The following ARHGAP39 variants were observed in gnomAD, a reference collection of about 807,000 sequenced individuals.
The protein encoded by ARHGAP39 is rho GTPase-activating protein 39.
In ARHGAP39, 44 loss-of-function variants were observed where a neutral mutation model predicts 106.9. The ratio of observed to expected loss-of-function variants is 0.41; its 90% CI spans 0.32 to 0.53. ARHGAP39 has a LOEUF of 0.53. ARHGAP39 is among the 20% of genes least tolerant of loss of function. The pLI is 0.21. For missense variants in ARHGAP39, 1,496 were observed against 1,577.3 expected, an observed-to-expected ratio of 0.95 and a Z score of 0.87; for synonymous variants, 768 against 693.2, an observed-to-expected ratio of 1.11 and a Z score of -1.69.
At chr8:144,603,102 T>C (rs1820128346) in intron 2 of ARHGAP39, among the ~76,000 whole-genome samples, 3 of 146,106 alleles carry the variant, frequency 2.1e-5, no homozygotes, top group Admixed American at 2.1e-4. Flanking sequence ...CGAGCTCATG[T>C]ATCTGTGTGC....
intron 10 of ARHGAP39, 35 bp from the exon 11 acceptor site, chr8:144,530,906 C>T (rs762520714): frequency 1.2e-4 from 195 of 1,584,578 alleles, no homozygotes; most frequent in Non-Finnish European, 1.6e-4. Context: ...CGGCCCTGCT[C>T]GGCGGGCACC....
chr8:144,583,366 C>T (rs1204939950), intron 2 of ARHGAP39, among the ~76,000 whole-genome samples: 3 of 152,216 alleles, frequency 2.0e-5, no homozygotes, highest in South Asian at 2.1e-4. Flanking sequence ...TCCCTGAAAC[C>T]GCAACAGGAA....
At chr8:144,561,232 T>C (rs1564848218) in intron 3 of ARHGAP39, among the ~76,000 whole-genome samples, 3 of 151,974 alleles carry the variant, frequency 2.0e-5, no homozygotes, top group Non-Finnish European at 4.4e-5. Context: ...ACTCCAGTGG[T>C]TTCCATCACA....
intron 6 of ARHGAP39, among the ~76,000 whole-genome samples, chr8:144,543,136 A>G (rs1817267353): frequency 6.6e-6 from 1 of 151,736 alleles, no homozygotes; most frequent in Non-Finnish European, 1.5e-5. Context: ...TGCTTGGCTA[A>G]TTTCCTTTTT....
At chr8:144,540,978 A>G (rs553887329) in intron 6 of ARHGAP39, among the ~76,000 whole-genome samples, 240 of 152,164 alleles carry the variant, frequency 1.6e-3, no homozygotes, top group South Asian at 3.1e-3. Context: ...CAGCCTCCTG[A>G]GTGCCTGGGA....
chr8:144,561,006 G>T (rs1818121900), intron 3 of ARHGAP39, among the ~76,000 whole-genome samples: 1 of 152,266 alleles, frequency 6.6e-6, no homozygotes, highest in Non-Finnish European at 1.5e-5. Flanking sequence ...TGTTGATTAT[G>T]GCATCTAAAA....
At position 144,533,309 on chromosome 8, in the gene ARHGAP39, T is replaced by C. The variant is rs559256732; in HGVS notation, c.2705A>G (p.Asn902Ser). 9 of 1,612,976 alleles carry C rather than the reference T, an allele frequency of 5.6e-6. No homozygotes were observed. The highest frequency in any genetic ancestry group is 5.0e-5 in the Admixed American group (3 of 60,022). Residue 902 changes from asparagine to serine, a missense_variant, in exon 9 of 12, where the codon AAC becomes AGC. Asn to Ser is a conservative substitution (Grantham distance 46, BLOSUM62 1). This residue lies in a region of ARHGAP39 where 470 missense variants were observed against 605.1 expected (regional missense o/e 0.78). Coordinates refer to ENST00000377307, the MANE Select transcript of ARHGAP39 (RefSeq NM_025251.3). ...TGAKKGLKKP[N>S]VEEIRHAKNA... ...CTTGGCATGCCGGATCTCCTCCACG[T>C]TGGGCTTCTTCAGCCCCTGTGAAGA...
rs1390289927 is a variant in ARHGAP39, at chr8:144,646,461, C to T, written c.-82+39225G>A. ...CAAAAAACTAAATTTTAAAAAATCA[C>T]CAAAAAAAGTGTGGAGAAAATAGAA... On this transcript the variant is annotated intron_variant, in intron 1 of 11. Transcript: ENST00000377307. This position sits in a 1 kb window ranked among gnomAD's most constrained non-coding sequence, Gnocchi z 5.7. 6.6e-6 allele frequency among the ~76,000 whole-genome samples: 1 copy of T among 151,832 alleles called. No homozygotes were observed. The highest frequency in any genetic ancestry group is 1.9e-4 in the East Asian group (1 of 5,186).
rs949072906 is a variant in ARHGAP39, at chr8:144,646,906, T to C, written c.-82+38780A>G. Among the ~76,000 whole-genome samples, 2 of 151,738 alleles carry C rather than the reference T, an allele frequency of 1.3e-5. No individual in the cohort carries two copies. The highest frequency in any genetic ancestry group is 6.6e-5 in the Admixed American group (1 of 15,266). ...CCAGTGCCCTGTGGTTGGGGTGGTGTTTCCTTCTGTCTCTCTCCCTGATGG... is the reference window on the plus strand; with the variant it reads ...CCAGTGCCCTGTGGTTGGGGTGGTGCTTCCTTCTGTCTCTCTCCCTGATGG... On this transcript the variant is annotated intron_variant, in intron 1 of 11. Transcript: ENST00000377307. This position sits in a 1 kb window ranked among gnomAD's most constrained non-coding sequence, Gnocchi z 5.7.
At chr8:144,599,666 A>G (rs1819770095) in intron 2 of ARHGAP39, among the ~76,000 whole-genome samples, 1 of 152,202 alleles carries the variant, frequency 6.6e-6, no homozygotes, top group African/African-American at 2.4e-5. Context: ...GGGGGACAAA[A>G]AAATCTCTAA....
chr8:144,572,236 G>A (rs532446459), intron 3 of ARHGAP39, among the ~76,000 whole-genome samples: 27 of 152,220 alleles, frequency 1.8e-4, no homozygotes, highest in Admixed American at 5.9e-4. Flanking sequence ...ATACTACAAG[G>A]CTACAGTAAC....
chr8:144,568,574 AACTG>A (rs1054894575), intron 3 of ARHGAP39, among the ~76,000 whole-genome samples: 2 of 152,184 alleles, frequency 1.3e-5, no homozygotes, highest in Non-Finnish European at 2.9e-5. Flanking sequence ...TTTAAATGAT[AACTG>A]ACTGTTTAAA....
intron 1 of ARHGAP39, among the ~76,000 whole-genome samples, chr8:144,613,581 G>T (rs1043893625): frequency 6.7e-6 from 1 of 149,128 alleles, no homozygotes; most frequent in African/African-American, 2.5e-5. Flanking sequence ...GCTGTCATCT[G>T]TGTCTTTGTT....
chr8:144,698,414 ATAGACT>A, the ARHGAP39 span, among the ~76,000 whole-genome samples: 1 of 152,198 alleles, frequency 6.6e-6, no homozygotes, highest in Non-Finnish European at 1.5e-5. Flanking sequence ...TTATAGCAAC[ATAGACT>A]TAGACAAGCT....
chr8:144,660,141 T>TG (rs1224825991), intron 1 of ARHGAP39, among the ~76,000 whole-genome samples: 1 of 152,158 alleles, frequency 6.6e-6, no homozygotes, highest in Non-Finnish European at 1.5e-5. Context: ...AGGTGTGGAA[T>TG]GCTCCCGTGT....
chr8:144,602,037 CTGTG>C (rs375838950), intron 2 of ARHGAP39, among the ~76,000 whole-genome samples: 10 of 114,498 alleles, frequency 8.7e-5, no homozygotes, highest in Non-Finnish European at 1.2e-4. Context: ...GCTCGTGAAC[CTGTG>C]TGTGTGCGTG....
intron 1 of ARHGAP39, among the ~76,000 whole-genome samples, chr8:144,608,156 C>CAAAAAAAAAAAAAAAAAA (rs60966946): frequency 3.1e-5 from 3 of 96,336 alleles, no homozygotes; most frequent in African/African-American, 4.6e-5. Context: ...GACTCTGTCT[C>CAAAAAAAAAAAAAAAAAA]AAAAAAAAAA....
rs1821407609 is a variant in ARHGAP39, at chr8:144,645,033, A to C, written c.-81-39338T>G. ...CAGGCGCTGGGCCACGGCAGAGAGC[A>C]CATGTCAACCGCAGTCCCCGTGTTA... On this transcript the variant is annotated intron_variant, in intron 1 of 11. Coordinates refer to ENST00000377307, the MANE Select transcript of ARHGAP39 (RefSeq NM_025251.3). This position sits in a 1 kb window ranked among gnomAD's most constrained non-coding sequence, Gnocchi z 4.4. 6.6e-6 allele frequency among the ~76,000 whole-genome samples: 1 copy of C among 152,230 alleles called. No individual in the cohort carries two copies. The highest frequency in any genetic ancestry group is 1.5e-5 in the Non-Finnish European group (1 of 68,052).
chr8:144,566,086 CCT>C (rs143271728), intron 3 of ARHGAP39, among the ~76,000 whole-genome samples: 5,779 of 151,656 alleles, frequency 0.038, 373 homozygotes, highest in African/African-American at 0.13. Context: ...AGAGCGAGAC[CCT>C]GTCTCAACAA....
Sources: gnomAD v4.1 joint callset for allele counts (sites outside exome capture counted in the v4.1 genomes callset) on GRCh38, gnomAD v4.1.1 for gene constraint, gnomAD v4.1.1 regional missense constraint, Gnocchi (gnomAD v3.1) non-coding constraint, MANE v1.5 for transcripts, NCBI Gene and HGNC (gene_info 2026-07-23, HGNC 2026-07-21) for gene names.